Variants in CSMD2 observed in about 807,000 individuals in gnomAD.
CSMD2 encodes the protein CUB and Sushi multiple domains 2.
A neutral mutation model predicts 398.5 loss-of-function variants in CSMD2; 130 were observed. The ratio of observed to expected loss-of-function variants is 0.33; its 90% CI spans 0.28 to 0.38. CSMD2 has a LOEUF of 0.38. CSMD2 is among the 10% of genes least tolerant of loss of function. The probability of loss-of-function intolerance (pLI) is 1.00; values close to 1 mark genes in which losing one functional copy is unlikely to be tolerated. For missense variants in CSMD2, 3,829 were observed against 4,764.9 expected (o/e 0.80, Z 5.78); for synonymous variants, 1,828 against 1,908.5 (o/e 0.96, Z 1.10).
chr1:33,749,474 A>G (rs1647911342), intron 13 of CSMD2, among the ~76,000 whole-genome samples: 1 of 152,198 alleles, frequency 6.6e-6, no homozygotes, highest in East Asian at 1.9e-4. Context: ...TTTATTCATG[A>G]TTAAACAATA....
chr1:33,753,068 G>A (rs979501622), intron 13 of CSMD2, among the ~76,000 whole-genome samples: 1 of 152,202 alleles, frequency 6.6e-6, no homozygotes, highest in East Asian at 1.9e-4. Flanking sequence ...GAGAAGAAAA[G>A]CACAAAAGTT....
intron 42 of CSMD2, among the ~76,000 whole-genome samples, chr1:33,604,308 T>G (rs1302055195): frequency 2.0e-5 from 3 of 152,162 alleles, no homozygotes; most frequent in Admixed American, 6.5e-5. Flanking sequence ...TCTGAAAAAC[T>G]AACTGAGGCT....
chr1:33,679,437 T>A (rs1644830217), intron 25 of CSMD2, among the ~76,000 whole-genome samples: 1 of 152,148 alleles, frequency 6.6e-6, no homozygotes, highest in Non-Finnish European at 1.5e-5. Flanking sequence ...CCTGACCTCG[T>A]GATCCACCCA....
At chr1:33,522,484 T>C (rs1474165575) in intron 67 of CSMD2, among the ~76,000 whole-genome samples, 3 of 152,158 alleles carry the variant, frequency 2.0e-5, no homozygotes, top group South Asian at 2.1e-4. Context: ...GACCTACAGA[T>C]ACCCTTGGGC....
At chr1:33,682,247 C>T (rs1050138836) in intron 25 of CSMD2, among the ~76,000 whole-genome samples, 5 of 152,174 alleles carry the variant, frequency 3.3e-5, no homozygotes, top group African/African-American at 1.2e-4. Flanking sequence ...TACAAAGTTG[C>T]ATGTGGTGGC....
intron 15 of CSMD2, 34 bp downstream of exon 15, chr1:33,739,106 C>A (rs1646973844): frequency 1.3e-6 from 2 of 1,590,616 alleles, no homozygotes; most frequent in Non-Finnish European, 1.7e-6. Context: ...CTCTGGCTGA[C>A]AATGGCCACT....
intron 5 of CSMD2, chr1:33,870,178 T>C (rs992023339): frequency 6.6e-6 from 1 of 152,194 alleles, no homozygotes; most frequent in African/African-American, 2.4e-5. Flanking sequence ...CCCTTTGTCC[T>C]ATCATGTGAC....
At chr1:33,946,931 G>A (rs550311984) in intron 3 of CSMD2, among the ~76,000 whole-genome samples, 10 of 152,144 alleles carry the variant, frequency 6.6e-5, no homozygotes, top group East Asian at 5.8e-4. Flanking sequence ...CACCCCGCCC[G>A]GCCACCTGAC....
At position 33,519,395 on chromosome 1, in the gene CSMD2, G is replaced by A; in HGVS notation, c.*53+70C>T. 3.2e-6 allele frequency: 3 copies of A among 932,614 alleles called. No individual in the cohort carries two copies. Among genetic ancestry groups the A allele is most frequent in the Non-Finnish European group, 3.3e-6 (2 of 602,346 alleles). 57.8% of individuals were successfully genotyped at this position (932,614 alleles called of 1,614,324 possible). On this transcript the variant is annotated intron_variant, in intron 70 of 70. Transcript: ENST00000373381. The surrounding 1 kb of genome is among the most constrained non-coding windows in gnomAD (Gnocchi z 5.6). ...GTGGTGTGTGCGACTCCGTTGGGTG[G>A]AGCCCCTGGCACGCATAGGTCCCTG...
chr1:33,829,653 G>C, intron 6 of CSMD2, among the ~76,000 whole-genome samples: 1 of 152,182 alleles, frequency 6.6e-6, no homozygotes, highest in Non-Finnish European at 1.5e-5. Context: ...CTAGACAGTG[G>C]GCGCAGGACA....
intron 3 of CSMD2, among the ~76,000 whole-genome samples, chr1:33,937,190 A>G (rs917182898): frequency 1.3e-5 from 2 of 152,218 alleles, no homozygotes; most frequent in Admixed American, 1.3e-4. Flanking sequence ...AACGCAAGTG[A>G]ATCTAACCCT....
At position 33,726,696 on chromosome 1, in the gene CSMD2, A is replaced by G. The variant is rs753729868; in HGVS notation, c.2369-11T>C. On this transcript the variant is annotated splice_polypyrimidine_tract_variant and intron_variant, in intron 15 of 70. Coordinates refer to ENST00000373381, the MANE Select transcript of CSMD2 (RefSeq NM_001281956.2). ...GACCACCACAGGGAGCTGGGGGGAC[A>G]GAAGGAAGAGAGGCAGCTTTCTTCA... 1 of 1,603,168 alleles carries G rather than the reference A, an allele frequency of 6.2e-7. No individual in the cohort carries two copies. Among genetic ancestry groups the G allele is most frequent in the Non-Finnish European group, 8.5e-7 (1 of 1,176,282 alleles).
intron 25 of CSMD2, among the ~76,000 whole-genome samples, chr1:33,669,827 G>A (rs1644433587): frequency 6.6e-6 from 1 of 152,148 alleles, no homozygotes; most frequent in African/African-American, 2.4e-5. Flanking sequence ...AGAGACACAG[G>A]AGAGACACAG....
intron 6 of CSMD2, among the ~76,000 whole-genome samples, chr1:33,846,664 G>A (rs767892930): frequency 2.0e-4 from 31 of 152,220 alleles, no homozygotes; most frequent in African/African-American, 4.6e-4. Context: ...GTGAGGGGCA[G>A]CTCCAGCTAC....
At chr1:33,736,149 C>T (rs1646878070) in intron 15 of CSMD2, among the ~76,000 whole-genome samples, 1 of 152,202 alleles carries the variant, frequency 6.6e-6, no homozygotes, top group Non-Finnish European at 1.5e-5. Flanking sequence ...CCTACTGCCC[C>T]AACCCTACAG....
At chr1:34,117,774 A>T (rs1068683) in intron 1 of CSMD2, among the ~76,000 whole-genome samples, 60,685 of 152,108 alleles carry the variant, frequency 0.4, 12,703 homozygotes, top group East Asian at 0.69. Context: ...TTGTACAGCA[A>T]GACCAAATGG....
intron 3 of CSMD2, among the ~76,000 whole-genome samples, chr1:33,969,451 A>G (rs774499519): frequency 2.6e-5 from 4 of 151,934 alleles, no homozygotes; most frequent in Non-Finnish European, 5.9e-5. Context: ...ATGGATGGAT[A>G]GATAGACAGA....
In CSMD2 at chr1:33,772,753, T is replaced by A; in HGVS notation, c.1664-2A>T. ...CACCGCAACTGCCCTGCTCGATCTC[T>A]GAAAGACAGGAAGATGAGAAAACAG... On this transcript the variant is annotated splice_acceptor_variant, in intron 12 of 70. Transcript: ENST00000373381. LOFTEE classifies it high-confidence loss of function. The A allele has an allele frequency of 6.2e-7, 1 of 1,605,932 alleles. No individual in the cohort carries two copies. The highest frequency in any genetic ancestry group is 8.5e-7 in the Non-Finnish European group (1 of 1,173,588).
chr1:33,736,163 T>A (rs1452987279), intron 15 of CSMD2, among the ~76,000 whole-genome samples: 1 of 152,168 alleles, frequency 6.6e-6, no homozygotes, highest in African/African-American at 2.4e-5. Context: ...CCTACAGCAT[T>A]TCCCCCTCCA....
Sources: allele counts gnomAD v4.1 joint callset (sites outside exome capture counted in the v4.1 genomes callset), GRCh38; gene constraint gnomAD v4.1.1; non-coding constraint Gnocchi (gnomAD v3.1); transcripts MANE v1.5; gene names NCBI Gene and HGNC (gene_info 2026-07-23, HGNC 2026-07-21).